The following GALNTL6 variants were observed in gnomAD, a reference collection of about 807,000 sequenced individuals.
The protein encoded by GALNTL6 is polypeptide N-acetylgalactosaminyltransferase like 6.
Under a neutral mutation model 73.7 loss-of-function variants are expected in GALNTL6, and 46 were observed. The ratio of observed to expected loss-of-function variants is 0.62; its 90% confidence interval spans 0.49 to 0.80. The LOEUF (loss-of-function observed/expected upper bound fraction) is 0.80. GALNTL6 is among the 30% of genes least tolerant of loss of function. The probability of loss-of-function intolerance (pLI) is 0.00; values close to 1 mark genes in which losing one functional copy is unlikely to be tolerated. For synonymous variants in GALNTL6, 259 were observed against 263.7 expected, an observed-to-expected ratio of 0.98 and a Z score of 0.17; for missense variants, 604 against 755.0, an observed-to-expected ratio of 0.80 and a Z score of 2.34.
intron 5 of GALNTL6, among the ~76,000 whole-genome samples, chr4:172,428,280 T>C (rs529081704): frequency 1.3e-5 from 2 of 152,312 alleles, no homozygotes; most frequent in Non-Finnish European, 2.9e-5. Flanking sequence ...TTTAGGTAGA[T>C]AGATCTTTTT....
chr4:172,281,002 A>T (rs1446441235), intron 3 of GALNTL6, among the ~76,000 whole-genome samples: 1 of 150,440 alleles, frequency 6.6e-6, no homozygotes, highest in Admixed American at 6.6e-5. Context: ...CTACTAAAAA[A>T]TACAAAAAAA....
intron 2 of GALNTL6, among the ~76,000 whole-genome samples, chr4:172,195,543 C>G (rs867736690): frequency 2.0e-5 from 3 of 152,134 alleles, no homozygotes; most frequent in Non-Finnish European, 2.9e-5. Context: ...AAGTAAAACA[C>G]TCCTCCTTAG....
chr4:172,033,984 T>G (rs1163946546), intron 2 of GALNTL6, among the ~76,000 whole-genome samples: 2 of 152,116 alleles, frequency 1.3e-5, no homozygotes, highest in Non-Finnish European at 2.9e-5. Flanking sequence ...TTAACATACA[T>G]GATTATCAGT....
intron 2 of GALNTL6, among the ~76,000 whole-genome samples, chr4:171,985,754 A>G (rs750163791): frequency 6.6e-6 from 1 of 151,380 alleles, no homozygotes; most frequent in Non-Finnish European, 1.5e-5. Flanking sequence ...ATATATATAT[A>G]TATGCTTTTT....
intron 2 of GALNTL6, among the ~76,000 whole-genome samples, chr4:171,915,168 C>T (rs76186808): frequency 0.015 from 2,221 of 152,188 alleles, 79 homozygotes; most frequent in East Asian, 0.14. Context: ...TTACCCTTTA[C>T]TGTAATTTAT....
intron 2 of GALNTL6, among the ~76,000 whole-genome samples, chr4:171,964,174 C>CTT (rs34889130): frequency 1.0e-4 from 15 of 148,218 alleles, no homozygotes; most frequent in South Asian, 2.1e-4. Flanking sequence ...GTAAGCAATA[C>CTT]TTTTTTTTTT....
At chr4:171,903,837 CTGA>C (rs1737187634) in intron 2 of GALNTL6, among the ~76,000 whole-genome samples, 2 of 152,132 alleles carry the variant, frequency 1.3e-5, no homozygotes, top group Non-Finnish European at 1.5e-5. Flanking sequence ...TCCCTGACCC[CTGA>C]CCCCTGAGCA....
chr4:172,009,900 C>T (rs1405802470), intron 2 of GALNTL6, among the ~76,000 whole-genome samples: 3 of 152,078 alleles, frequency 2.0e-5, no homozygotes, highest in Non-Finnish European at 4.4e-5. Flanking sequence ...ATTACTGCAG[C>T]ACAAGGCAAA....
chr4:172,988,690 C>G (rs542275953), intron 10 of GALNTL6, among the ~76,000 whole-genome samples: 1 of 152,222 alleles, frequency 6.6e-6, no homozygotes, highest in Non-Finnish European at 1.5e-5. Context: ...TGGGCCAGGC[C>G]CAGGACCCTG....
At chr4:172,634,610 A>G (rs781702792) in intron 5 of GALNTL6, among the ~76,000 whole-genome samples, 7 of 152,212 alleles carry the variant, frequency 4.6e-5, no homozygotes, top group Non-Finnish European at 8.8e-5. Flanking sequence ...AAATCTTTGA[A>G]CACTCATTCA....
At chr4:172,461,608 T>C (rs1011030635) in intron 5 of GALNTL6, among the ~76,000 whole-genome samples, 1 of 152,224 alleles carries the variant, frequency 6.6e-6, no homozygotes, top group African/African-American at 2.4e-5. Flanking sequence ...CTTCCTTTGA[T>C]TCTTTTTGCA....
At chr4:172,991,970 A>G (rs1466826025) in intron 10 of GALNTL6, among the ~76,000 whole-genome samples, 2 of 152,218 alleles carry the variant, frequency 1.3e-5, no homozygotes, top group African/African-American at 2.4e-5. Flanking sequence ...TTTCTCTTAC[A>G]AGATGAATCT....
intron 2 of GALNTL6, among the ~76,000 whole-genome samples, chr4:172,033,379 T>C: frequency 6.6e-6 from 1 of 152,188 alleles, no homozygotes; most frequent in Non-Finnish European, 1.5e-5. Flanking sequence ...AGGCCATTTT[T>C]TAAAATAAAT....
intron 2 of GALNTL6, among the ~76,000 whole-genome samples, chr4:172,119,166 A>G (rs942900099): frequency 3.3e-5 from 5 of 152,186 alleles, no homozygotes; most frequent in Non-Finnish European, 5.9e-5. Context: ...CAATGCATTT[A>G]TATAAGGGCT....
chr4:172,963,301 A>G (rs1269838437), intron 10 of GALNTL6, among the ~76,000 whole-genome samples: 4 of 152,096 alleles, frequency 2.6e-5, no homozygotes, highest in African/African-American at 9.7e-5. Context: ...TAGTCATCCT[A>G]TCTAAAATTG....
At chr4:172,344,970 A>G (rs1741688839) in intron 4 of GALNTL6, among the ~76,000 whole-genome samples, 1 of 152,200 alleles carries the variant, frequency 6.6e-6, no homozygotes, top group South Asian at 2.1e-4. Context: ...TACAGTGTAA[A>G]CAACAATGAC....
intron 2 of GALNTL6, among the ~76,000 whole-genome samples, chr4:172,202,366 T>A (rs1735982248): frequency 6.6e-6 from 1 of 151,820 alleles, no homozygotes; most frequent in Non-Finnish European, 1.5e-5. Context: ...ATTGGGTAAG[T>A]AAATAAATAA....
In GALNTL6 at chr4:172,309,889, A is replaced by C. The variant is rs1017884106; in HGVS notation, c.248-1725A>C. On this transcript the variant is annotated intron_variant, in intron 3 of 12. Coordinates refer to ENST00000506823, the MANE Select transcript of GALNTL6 (RefSeq NM_001034845.3). ...ACACATCTACAAAAATTTACCAAAA[A>C]TTGCATAGGACTAAAAGAATGAAAA... Among the ~76,000 whole-genome samples the C allele has an allele frequency of 2.0e-5, 3 of 152,138 alleles. No homozygotes were observed. The East Asian group carries it at 5.8e-4, about 29-fold the overall frequency.
intron 3 of GALNTL6, among the ~76,000 whole-genome samples, chr4:172,237,636 T>C (rs1251524721): frequency 6.6e-6 from 1 of 152,214 alleles, no homozygotes; most frequent in Non-Finnish European, 1.5e-5. Flanking sequence ...CAGTTTTTTT[T>C]GATGTCTTCA....
Sources: gnomAD v4.1 joint callset for allele counts (sites outside exome capture counted in the v4.1 genomes callset) on GRCh38, gnomAD v4.1.1 for gene constraint, MANE v1.5 for transcripts, NCBI Gene and HGNC (gene_info 2026-07-23, HGNC 2026-07-21) for gene names.